Variants in EXOC6B observed in about 807,000 individuals in gnomAD.
EXOC6B encodes SEC15 homolog B.
A neutral mutation model predicts 113.5 loss-of-function variants in EXOC6B; 54 were observed. The observed-to-expected ratio is 0.48, with a 90% CI of 0.38 to 0.60. The LOEUF (loss-of-function observed/expected upper bound fraction) is 0.60, where lower values mean the gene tolerates loss of function less well. Among genes scored for constraint, EXOC6B ranks in the 20% least tolerant of loss-of-function variants. EXOC6B has a pLI of 0.00. For missense variants in EXOC6B, 797 were observed against 977.5 expected (o/e 0.82, Z 2.46); for synonymous variants, 357 against 339.0 (o/e 1.05, Z -0.58).
intron 8 of EXOC6B, chr2:72,515,608 C>T (rs915467677): frequency 3.2e-5 from 32 of 994,426 alleles, no homozygotes; most frequent in Non-Finnish European, 8.4e-6. Flanking sequence ...GGTTATAATC[C>T]AGCACAGGAT....
At chr2:72,329,037 C>A (rs185560555) in intron 20 of EXOC6B, among the ~76,000 whole-genome samples, 10 of 152,182 alleles carry the variant, frequency 6.6e-5, no homozygotes, top group Admixed American at 4.6e-4. Context: ...CAACTGAGCG[C>A]TTGGAGAGTA....
At chr2:72,268,453 G>A (rs1259126398) in intron 20 of EXOC6B, among the ~76,000 whole-genome samples, 1 of 152,100 alleles carries the variant, frequency 6.6e-6, no homozygotes, top group African/African-American at 2.4e-5. Context: ...TATTGTCATG[G>A]AGAAATATTG....
intron 6 of EXOC6B, among the ~76,000 whole-genome samples, chr2:72,620,439 A>G (rs1671672881): frequency 6.7e-6 from 1 of 150,334 alleles, no homozygotes; most frequent in South Asian, 2.1e-4. Flanking sequence ...GTAACCCTGA[A>G]CTTAAAATAA....
At chr2:72,389,269 A>G (rs1465235806) in intron 18 of EXOC6B, among the ~76,000 whole-genome samples, 1 of 151,932 alleles carries the variant, frequency 6.6e-6, no homozygotes, top group Non-Finnish European at 1.5e-5. Flanking sequence ...AGTCTCTTTA[A>G]ATTATCACAG....
intron 18 of EXOC6B, among the ~76,000 whole-genome samples, chr2:72,388,486 T>C (rs1310573754): frequency 6.6e-6 from 1 of 152,134 alleles, no homozygotes; most frequent in Non-Finnish European, 1.5e-5. Flanking sequence ...GCTTAGTGAA[T>C]ATTCCAATAT....
At chr2:72,412,186 A>G (rs1694229033) in intron 18 of EXOC6B, among the ~76,000 whole-genome samples, 1 of 152,216 alleles carries the variant, frequency 6.6e-6, no homozygotes, top group Non-Finnish European at 1.5e-5. Context: ...GAAAAAACAG[A>G]TTGGTTATAA....
intron 6 of EXOC6B, among the ~76,000 whole-genome samples, chr2:72,629,111 G>A (rs1672236483): frequency 6.6e-6 from 1 of 152,154 alleles, no homozygotes; most frequent in Admixed American, 6.5e-5. Context: ...TTCATATGCA[G>A]TAGTATCTTG....
At chr2:72,667,969 T>G (rs376280328) in intron 6 of EXOC6B, among the ~76,000 whole-genome samples, 2 of 152,094 alleles carry the variant, frequency 1.3e-5, no homozygotes, top group South Asian at 4.1e-4. Flanking sequence ...CAACTATGCA[T>G]CCAACAAAGG....
At chr2:72,721,364 T>TAAAAAAAAAAA (rs11408155) in intron 5 of EXOC6B, among the ~76,000 whole-genome samples, 1 of 28,502 alleles carries the variant, frequency 3.5e-5, no homozygotes, top group Non-Finnish European at 6.0e-5. Flanking sequence ...GTTGTTTTTG[T>TAAAAAAAAAAA]AAAAAAAAAA....
At chr2:72,403,841 G>T (rs1332919847) in intron 18 of EXOC6B, among the ~76,000 whole-genome samples, 2 of 152,166 alleles carry the variant, frequency 1.3e-5, no homozygotes, top group African/African-American at 2.4e-5. Context: ...TCATCTCAGT[G>T]GGGGGTGTCA....
intron 12 of EXOC6B, among the ~76,000 whole-genome samples, chr2:72,498,914 C>T (rs1261004374): frequency 6.6e-6 from 1 of 152,034 alleles, no homozygotes; most frequent in African/African-American, 2.4e-5. Context: ...GAATCTCATC[C>T]ACTTCTAATG....
chr2:72,437,127 T>C (rs920306296), intron 18 of EXOC6B, among the ~76,000 whole-genome samples: 1 of 152,240 alleles, frequency 6.6e-6, no homozygotes, highest in African/African-American at 2.4e-5. Context: ...TTTTTCTTTG[T>C]TAGTTTTCCT....
At chr2:72,422,306 G>A (rs571291379) in intron 18 of EXOC6B, among the ~76,000 whole-genome samples, 6 of 152,344 alleles carry the variant, frequency 3.9e-5, no homozygotes, top group Admixed American at 2.6e-4. Flanking sequence ...TGGTGGGGAC[G>A]TTGGAGAGTC....
At chr2:72,715,238 TA>T (rs1679532633) in intron 6 of EXOC6B, among the ~76,000 whole-genome samples, 1 of 151,768 alleles carries the variant, frequency 6.6e-6, no homozygotes, top group African/African-American at 2.4e-5. Flanking sequence ...AAAATTAAAA[TA>T]AACGTTTGTT....
At chr2:72,481,642 T>TTTA (rs908637132) in intron 16 of EXOC6B, among the ~76,000 whole-genome samples, 3 of 152,226 alleles carry the variant, frequency 2.0e-5, no homozygotes, top group Non-Finnish European at 2.9e-5. Flanking sequence ...AATGACTTAC[T>TTTA]TTATTATTAT....
intron 2 of EXOC6B, among the ~76,000 whole-genome samples, chr2:72,738,078 A>G (rs980150795): frequency 3.9e-5 from 6 of 152,162 alleles, no homozygotes; most frequent in Non-Finnish European, 8.8e-5. Flanking sequence ...GCTTATTCTT[A>G]GGTGCCTGCC....
chr2:72,602,134 G>A (rs1274324282), intron 6 of EXOC6B, among the ~76,000 whole-genome samples: 2 of 152,114 alleles, frequency 1.3e-5, no homozygotes, highest in African/African-American at 4.8e-5. Flanking sequence ...TGTAGGTTCA[G>A]GTAAATTTGG....
intron 8 of EXOC6B, among the ~76,000 whole-genome samples, chr2:72,557,814 A>T (rs187492420): frequency 8.5e-5 from 13 of 152,254 alleles, no homozygotes; most frequent in East Asian, 1.9e-4. Flanking sequence ...AATTTTTTTT[A>T]AAAAAAGAAT....
intron 16 of EXOC6B, among the ~76,000 whole-genome samples, chr2:72,489,855 T>C (rs916912600): frequency 6.6e-6 from 1 of 152,040 alleles, no homozygotes; most frequent in Non-Finnish European, 1.5e-5. Flanking sequence ...TGGCTCAACA[T>C]GGAGAAACAA....
Sources: allele counts gnomAD v4.1 joint callset (sites outside exome capture counted in the v4.1 genomes callset), GRCh38; gene constraint gnomAD v4.1.1; transcripts MANE v1.5; gene names NCBI Gene and HGNC (gene_info 2026-07-23, HGNC 2026-07-21).